Variants in EPB41L4B observed in about 807,000 individuals in gnomAD.
The protein encoded by EPB41L4B is erythrocyte membrane protein band 4.1 like 4B, also known as band 4.1-like protein 4B.
A neutral mutation model predicts 112.5 loss-of-function variants in EPB41L4B; 30 were observed. The observed-to-expected ratio is 0.27, with a 90% CI of 0.20 to 0.36. EPB41L4B has a LOEUF of 0.36. EPB41L4B is among the 10% of genes least tolerant of loss of function. The pLI, the probability that EPB41L4B is intolerant of heterozygous loss-of-function variation, is 1.00. For synonymous variants in EPB41L4B, 408 were observed against 439.7 expected (o/e 0.93, Z 0.90); for missense variants, 1,024 against 1,133.3 (o/e 0.90, Z 1.38).
chr9:109,250,216 G>A lies in EPB41L4B; in HGVS notation c.1310+1265C>T, dbSNP rs142873625. ...CCTCCTGATTTGCAAAAAAGAAAAC[G>A]GAGGCCCAGAAGTAGGAAGGCCTAA... On this transcript the variant is annotated intron_variant, in intron 13 of 25. Transcript: ENST00000374566. 1.6e-4 allele frequency among the ~76,000 whole-genome samples: 25 copies of A among 152,272 alleles called. No homozygotes were observed. The East Asian group carries it at 3.1e-3, about 19-fold the overall frequency.
chr9:109,243,152 G>A (rs1225462246), intron 15 of EPB41L4B, among the ~76,000 whole-genome samples: 1 of 127,230 alleles, frequency 7.9e-6, no homozygotes, highest in African/African-American at 3.0e-5. Context: ...TGACCCCTCA[G>A]TTTAGGGAAA....
chr9:109,312,900 T>C (rs902553797), intron 1 of EPB41L4B, among the ~76,000 whole-genome samples: 78 of 151,986 alleles, frequency 5.1e-4, no homozygotes, highest in African/African-American at 1.8e-3. Context: ...ACAGCTGAAC[T>C]CCTACACATC....
At chr9:109,286,061 A>T (rs1451463974) in intron 1 of EPB41L4B, among the ~76,000 whole-genome samples, 1 of 151,682 alleles carries the variant, frequency 6.6e-6, no homozygotes, top group Non-Finnish European at 1.5e-5. Context: ...GAGTACCCAC[A>T]TCTCTGTCCC....
At chr9:109,197,555 T>C (rs955166783) in intron 20 of EPB41L4B, among the ~76,000 whole-genome samples, 28 of 152,112 alleles carry the variant, frequency 1.8e-4, no homozygotes, top group African/African-American at 6.5e-4. Context: ...TTTCTACTAA[T>C]GGGGAAAATG....
chr9:109,225,141 T>C (rs933858916), intron 15 of EPB41L4B, among the ~76,000 whole-genome samples: 2 of 152,224 alleles, frequency 1.3e-5, no homozygotes, highest in Non-Finnish European at 2.9e-5. Context: ...TCACATGTTT[T>C]CGTGTCCTCC....
intron 24 of EPB41L4B, among the ~76,000 whole-genome samples, chr9:109,177,738 G>C (rs1044074682): frequency 2.5e-4 from 38 of 151,760 alleles, no homozygotes; most frequent in Non-Finnish European, 2.2e-4. Flanking sequence ...CAGGAGAATC[G>C]CTTGAACCTG....
chr9:109,238,652 T>C (rs1025752086), intron 15 of EPB41L4B, among the ~76,000 whole-genome samples: 1 of 151,940 alleles, frequency 6.6e-6, no homozygotes, highest in African/African-American at 2.4e-5. Flanking sequence ...AAGTGCAACG[T>C]TGCTATAGAT....
At chr9:109,179,056 C>G (rs957011436) in intron 24 of EPB41L4B, among the ~76,000 whole-genome samples, 1 of 152,060 alleles carries the variant, frequency 6.6e-6, no homozygotes, top group Admixed American at 6.5e-5. Context: ...TCCACTGGAA[C>G]AAAGCAGGTA....
At chr9:109,319,959 G>A (rs1002175183) in intron 1 of EPB41L4B, among the ~76,000 whole-genome samples, 182 bp downstream of exon 1, 3 of 152,136 alleles carry the variant, frequency 2.0e-5, no homozygotes, top group Non-Finnish European at 4.4e-5. Context: ...GTGGGGCCCC[G>A]GAAGAGACCG....
intron 15 of EPB41L4B, among the ~76,000 whole-genome samples, chr9:109,237,707 C>T (rs1588160109): frequency 6.6e-6 from 1 of 151,896 alleles, no homozygotes; most frequent in Non-Finnish European, 1.5e-5. Flanking sequence ...CAGTAAACAG[C>T]GTTATTAGAT....
At chr9:109,294,189 CAGCT>C (rs1388802908) in intron 1 of EPB41L4B, among the ~76,000 whole-genome samples, 1 of 151,702 alleles carries the variant, frequency 6.6e-6, no homozygotes, top group Non-Finnish European at 1.5e-5. Flanking sequence ...CCTGTAGTCC[CAGCT>C]ACTCGGGAGG....
intron 20 of EPB41L4B, among the ~76,000 whole-genome samples, chr9:109,197,819 C>CAAAAAAAAAAA: frequency 7.6e-6 from 1 of 132,054 alleles, no homozygotes; most frequent in Non-Finnish European, 1.6e-5. Context: ...GACTCTGTAT[C>CAAAAAAAAAAA]AAAAAAAAAA....
At position 109,289,232 on chromosome 9, in the gene EPB41L4B, C is replaced by T. The variant is rs562522831; in HGVS notation, c.307-9311G>A. Among the ~76,000 whole-genome samples, 90 of 152,296 alleles carry T rather than the reference C, an allele frequency of 5.9e-4. No individual in the cohort carries two copies. In the South Asian group the frequency reaches 0.017, roughly 29 times the overall value. Reference sequence around the variant, plus strand: ...AGGACCCTACATGTACCCTAGGCTCCGGTCAAACTACAAAGCGTGTTGTTC... The same window carrying T: ...AGGACCCTACATGTACCCTAGGCTCTGGTCAAACTACAAAGCGTGTTGTTC... On this transcript the variant is annotated intron_variant, in intron 1 of 25. Transcript: ENST00000374566.
chr9:109,185,555 T>C lies in EPB41L4B; in HGVS notation c.2352A>G (p.Pro784=). ...PHCAHSRCSP[P]LSLPMKEETT... ...TCTCTTCCTTCATGGGGAGAGAGAG[T>C]GGAGGAGAACAGCGAGAGTGGGCAC... is the stretch of plus-strand genomic sequence containing the variant. The change falls in exon 23 of 26, where the codon CCA becomes CCG. Residue 784 remains proline, a synonymous_variant. Coordinates refer to ENST00000374566, the MANE Select transcript of EPB41L4B (RefSeq NM_019114.5). The C allele has an allele frequency of 6.2e-7, 1 of 1,610,734 alleles. No individual in the cohort carries two copies. The highest frequency in any genetic ancestry group is 8.5e-7 in the Non-Finnish European group (1 of 1,178,566).
chr9:109,253,927 C>G (rs938724581), intron 11 of EPB41L4B, among the ~76,000 whole-genome samples: 14 of 152,212 alleles, frequency 9.2e-5, no homozygotes, highest in Non-Finnish European at 4.4e-5. Flanking sequence ...GTTATCAATA[C>G]CCACTTAACT....
chr9:109,189,258 A>G (rs901972666), intron 22 of EPB41L4B, among the ~76,000 whole-genome samples: 2 of 152,226 alleles, frequency 1.3e-5, no homozygotes, highest in African/African-American at 4.8e-5. Context: ...AGATTGCTAA[A>G]TTGAGCTACC....
intron 2 of EPB41L4B, among the ~76,000 whole-genome samples, chr9:109,273,389 G>T (rs147892741): frequency 8.8e-4 from 134 of 152,290 alleles, no homozygotes; most frequent in African/African-American, 3.2e-3. Flanking sequence ...TGGGGTTACA[G>T]GCATGTGCCA....
In EPB41L4B at chr9:109,320,926, G is replaced by A. The variant is rs1262863782; in HGVS notation, c.-480C>T. 8 of 155,538 alleles carry A rather than the reference G, an allele frequency of 5.1e-5. No homozygotes were observed. The highest frequency in any genetic ancestry group is 1.1e-4 in the Non-Finnish European group (8 of 71,722). 9.6% of individuals were successfully genotyped at this position (155,538 alleles called of 1,614,324 possible). A position where few individuals can be genotyped will look rare whatever the true frequency, so the allele number is the denominator to read the frequency against. On this transcript the variant is annotated 5_prime_UTR_variant, in exon 1 of 26. Coordinates refer to ENST00000374566, the MANE Select transcript of EPB41L4B (RefSeq NM_019114.5). ...CGCCGCGCCGCGCCCGGGGCCCGAG[G>A]AGGCCCCGCCGAGCGCCCGCTCCCA...
At chr9:109,206,431 C>T (rs138973147) in intron 18 of EPB41L4B, among the ~76,000 whole-genome samples, 184 of 152,340 alleles carry the variant, frequency 1.2e-3, no homozygotes, top group Non-Finnish European at 2.0e-3. Flanking sequence ...GATCCACCCG[C>T]CTTGGCCTTC....
Sources: gnomAD v4.1 joint callset for allele counts (sites outside exome capture counted in the v4.1 genomes callset) on GRCh38, gnomAD v4.1.1 for gene constraint, MANE v1.5 for transcripts, NCBI Gene and HGNC (gene_info 2026-07-23, HGNC 2026-07-21) for gene names.